The following RBP7 variants were observed in gnomAD, a reference collection of about 807,000 sequenced individuals.
The protein encoded by RBP7 is retinol binding protein 7, also known as retinoid-binding protein 7.
In RBP7, 13 loss-of-function variants were observed where a neutral mutation model predicts 16.7. The observed-to-expected ratio is 0.78, with a 90% CI of 0.51 to 1.24. RBP7 has a LOEUF of 1.24. Ranked by LOEUF, RBP7 falls within the 50% of genes most tolerant of loss-of-function variation. The pLI, the probability that RBP7 is intolerant of heterozygous loss-of-function variation, is 0.00. For missense variants in RBP7, 145 were observed against 159.5 expected (o/e 0.91, Z 0.49); for synonymous variants, 54 against 56.2 (o/e 0.96, Z 0.17).
chr1:10,008,414 G>A (rs1642507552), intron 3 of RBP7, 140 bp downstream of exon 3: 1 of 519,138 alleles, frequency 1.9e-6, no homozygotes, highest in South Asian at 2.9e-5. Flanking sequence ...AGACTAGCCT[G>A]GCCAACATGG....
intron 1 of RBP7, 145 bp from the exon 2 acceptor site, chr1:10,007,425 G>A: frequency 1.5e-6 from 1 of 686,680 alleles, no homozygotes; most frequent in Non-Finnish European, 2.4e-6. Flanking sequence ...ACGATTCCTT[G>A]TAGATCTGAT....
chr1:10,012,542 A>G (rs1642654205), intron 3 of RBP7, among the ~76,000 whole-genome samples: 1 of 151,920 alleles, frequency 6.6e-6, no homozygotes, highest in South Asian at 2.1e-4. Flanking sequence ...CTGTAGTTCC[A>G]GTTACTGGAT....
chr1:10,014,236 C>A (rs573496550), intron 3 of RBP7, among the ~76,000 whole-genome samples: 1 of 152,116 alleles, frequency 6.6e-6, no homozygotes, highest in African/African-American at 2.4e-5. Flanking sequence ...AACTAAACCA[C>A]GGGGTTTAGA....
At chr1:9,999,669 C>T (rs190350345) in intron 1 of RBP7, among the ~76,000 whole-genome samples, 462 of 152,236 alleles carry the variant, frequency 3.0e-3, no homozygotes, top group Non-Finnish European at 5.5e-3. Flanking sequence ...AAATCCAGAA[C>T]GGTTTTCTGA....
intron 3 of RBP7, among the ~76,000 whole-genome samples, chr1:10,013,496 G>A (rs1304378778): frequency 1.3e-5 from 2 of 151,934 alleles, no homozygotes; most frequent in African/African-American, 4.8e-5. Flanking sequence ...AGCCTGGGCA[G>A]CATAGTGTGA....
chr1:10,013,922 G>C (rs116288614), intron 3 of RBP7, among the ~76,000 whole-genome samples: 3,821 of 152,128 alleles, frequency 0.025, 150 homozygotes, highest in African/African-American at 0.088. Flanking sequence ...GCTAAGGTGA[G>C]CCATGACTGC....
At chr1:10,009,416 A>G (rs1642542584) in intron 3 of RBP7, among the ~76,000 whole-genome samples, 1 of 152,110 alleles carries the variant, frequency 6.6e-6, no homozygotes, top group South Asian at 2.1e-4. Flanking sequence ...AAAAAATAAA[A>G]CAAAATAAGG....
intron 3 of RBP7, among the ~76,000 whole-genome samples, chr1:10,012,052 A>T (rs187085547): frequency 4.7e-4 from 70 of 149,422 alleles, no homozygotes; most frequent in Admixed American, 1.2e-3. Context: ...AAAAATATTT[A>T]AAAAAAAAAT....
At position 10,015,964 on chromosome 1, in the gene RBP7, C is replaced by T. The variant is rs1642764874; in HGVS notation, c.*132C>T. 2 of 725,704 alleles carry T rather than the reference C, an allele frequency of 2.8e-6. No individual in the cohort carries two copies. The highest frequency in any genetic ancestry group is 3.5e-5 in the African/African-American group (2 of 57,474). The allele number at this position is 725,704 out of a possible 1,614,324, so 45.0% of individuals were successfully genotyped here. On this transcript the variant is annotated 3_prime_UTR_variant, in exon 4 of 4. Transcript: ENST00000294435. Reference sequence around the variant, plus strand: ...TGGAGAGAGCCACACAGCGTGTAACCTGAAGTCATCTAGATTATGGGGAAA... The same window carrying T: ...TGGAGAGAGCCACACAGCGTGTAACTTGAAGTCATCTAGATTATGGGGAAA...
chr1:10,007,654 A>G lies in RBP7; in HGVS notation c.158A>G (p.His53Arg), dbSNP rs772349104. 4 of 1,614,036 alleles carry G rather than the reference A, an allele frequency of 2.5e-6. No individual in the cohort carries two copies. Among genetic ancestry groups the G allele is most frequent in the South Asian group, 2.2e-5 (2 of 91,088 alleles). The part of the protein sequence containing the change: ...IEQNGDSFTI[H>R]TNSSLRNYFV... The stretch of plus-strand genomic sequence containing the variant: ...CAGAATGGGGATTCTTTTACCATCC[A>G]CACGAACAGCAGCCTAAGGAACTAC... The change falls in exon 2 of 4, where the codon CAC (histidine) becomes CGC (arginine). Residue 53 changes from histidine (H) to arginine (R), a missense_variant. Physicochemically the swap from His to Arg is conservative, Grantham distance 29. Transcript: ENST00000294435.
At chr1:10,012,078 G>A (rs948674970) in intron 3 of RBP7, among the ~76,000 whole-genome samples, 2 of 151,934 alleles carry the variant, frequency 1.3e-5, no homozygotes, top group Non-Finnish European at 2.9e-5. Context: ...GAGAGTGGTG[G>A]CGCATGCCTC....
At chr1:10,010,996 TG>T in intron 3 of RBP7, among the ~76,000 whole-genome samples, 1 of 152,320 alleles carries the variant, frequency 6.6e-6, no homozygotes, top group African/African-American at 2.4e-5. Flanking sequence ...CCCAAAGTGC[TG>T]GGATTACAAG....
At chr1:10,004,934 A>G (rs761259845) in intron 1 of RBP7, among the ~76,000 whole-genome samples, 2 of 152,164 alleles carry the variant, frequency 1.3e-5, no homozygotes, top group African/African-American at 2.4e-5. Context: ...CAAAGGCTGC[A>G]GTGAGCCGAG....
chr1:9,997,570 C>T lies in RBP7; in HGVS notation c.73+239C>T, dbSNP rs1301864946. Among the ~76,000 whole-genome samples the T allele has an allele frequency of 2.6e-5, 4 of 151,908 alleles. No individual in the cohort carries two copies. The highest frequency in any genetic ancestry group is 1.3e-4 in the Admixed American group (2 of 15,240). On this transcript the variant is annotated intron_variant, in intron 1 of 3. Coordinates refer to ENST00000294435, the MANE Select transcript of RBP7 (RefSeq NM_052960.3). This position sits in a 1 kb window ranked among gnomAD's most constrained non-coding sequence, Gnocchi z 5.9. Reference sequence around the variant, plus strand: ...TCCCGCGCCCACCCGCCCCCCTGTCCCCACGGCCGTCTCTCCACGCCCTCT... The same window carrying T: ...TCCCGCGCCCACCCGCCCCCCTGTCTCCACGGCCGTCTCTCCACGCCCTCT...
intron 3 of RBP7, among the ~76,000 whole-genome samples, chr1:10,014,874 A>C (rs1027464109): frequency 1.5e-4 from 23 of 151,886 alleles, no homozygotes; most frequent in African/African-American, 5.1e-4. Context: ...AGCTGGGGGG[A>C]GTCTCGTGAG....
intron 3 of RBP7, among the ~76,000 whole-genome samples, chr1:10,011,536 A>C (rs1404180374): frequency 6.6e-6 from 1 of 152,190 alleles, no homozygotes; most frequent in Non-Finnish European, 1.5e-5. Flanking sequence ...TGAATTACGT[A>C]TTTTCACACT....
chr1:10,010,186 G>A (rs1407576792), intron 3 of RBP7, among the ~76,000 whole-genome samples: 1 of 152,092 alleles, frequency 6.6e-6, no homozygotes, highest in East Asian at 1.9e-4. Context: ...CATGATCTCA[G>A]CTCGCTGCAA....
intron 3 of RBP7, among the ~76,000 whole-genome samples, chr1:10,013,434 C>A (rs1642683990): frequency 6.6e-6 from 1 of 152,040 alleles, no homozygotes; most frequent in African/African-American, 2.4e-5. Flanking sequence ...GTAATCCCAG[C>A]ACTTTGGGAG....
intron 1 of RBP7, 131 bp from the exon 2 acceptor site, chr1:10,007,439 G>T: frequency 1.4e-6 from 1 of 718,352 alleles, no homozygotes; most frequent in Non-Finnish European, 2.3e-6. Context: ...ATCTGATTTT[G>T]GCAGCAAACA....
Sources: allele counts gnomAD v4.1 joint callset (sites outside exome capture counted in the v4.1 genomes callset), GRCh38; gene constraint gnomAD v4.1.1; non-coding constraint Gnocchi (gnomAD v3.1); transcripts MANE v1.5; gene names NCBI Gene and HGNC (gene_info 2026-07-23, HGNC 2026-07-21).